UBE2W: variants seen among roughly 807,000 people sequenced by gnomAD.
UBE2W encodes ubiquitin-conjugating enzyme E2 W.
A neutral mutation model predicts 27.2 loss-of-function variants in UBE2W; 18 were observed. The ratio of observed to expected loss-of-function variants is 0.66; its 90% CI spans 0.46 to 0.98. The LOEUF (loss-of-function observed/expected upper bound fraction) is 0.98. UBE2W is among the 50% of genes least tolerant of loss of function. The pLI is 0.00. For missense variants in UBE2W, 90 were observed against 180.2 expected, an observed-to-expected ratio of 0.50 and a Z score of 2.87; for synonymous variants, 53 against 57.2, an observed-to-expected ratio of 0.93 and a Z score of 0.33.
intron 1 of UBE2W, among the ~76,000 whole-genome samples, chr8:73,834,908 CAATAA>C (rs1292017085): frequency 2.6e-5 from 4 of 151,984 alleles, no homozygotes; most frequent in African/African-American, 9.7e-5. Context: ...GACTCCATCT[CAATAA>C]AATAAAATAA....
downstream of UBE2W, among the ~76,000 whole-genome samples, chr8:73,785,959 T>C (rs1410245793): frequency 1.3e-5 from 2 of 151,844 alleles, no homozygotes; most frequent in African/African-American, 2.4e-5. Flanking sequence ...TCACATTTTA[T>C]ATGATATGCT....
chr8:73,793,635 C>T lies in UBE2W; in HGVS notation c.*467G>A. The T allele has an allele frequency of 1.0e-6, 1 of 986,608 alleles. No homozygotes were observed. The highest frequency in any genetic ancestry group is 1.2e-6 in the Non-Finnish European group (1 of 830,552). The allele number at this position is 986,608 out of a possible 1,614,324, so 61.1% of individuals were successfully genotyped here. A position where few individuals can be genotyped will look rare whatever the true frequency, so the allele number is the denominator to read the frequency against. On this transcript the variant is annotated 3_prime_UTR_variant, in exon 6 of 6. Coordinates refer to ENST00000602593, the MANE Select transcript of UBE2W (RefSeq NM_018299.6). ...ACTTTTAAAGTAATGTTGGATCCCT[C>T]ACTTTATTTATATTCCCACTATAAC... is the stretch of plus-strand genomic sequence containing the variant.
At chr8:73,877,094 A>G (rs1812263876) in intron 1 of UBE2W, among the ~76,000 whole-genome samples, 1 of 152,206 alleles carries the variant, frequency 6.6e-6, no homozygotes, top group Admixed American at 6.5e-5. Context: ...TGTCAAATAC[A>G]AGTGTTGTGG....
intron 1 of UBE2W, among the ~76,000 whole-genome samples, chr8:73,860,277 A>C (rs1343770619): frequency 6.6e-6 from 1 of 152,204 alleles, no homozygotes; most frequent in Non-Finnish European, 1.5e-5. Flanking sequence ...ATGCTGTATA[A>C]ATTTTCCTTT....
At chr8:73,828,403 T>A (rs930875325) in intron 2 of UBE2W, among the ~76,000 whole-genome samples, 4 of 152,164 alleles carry the variant, frequency 2.6e-5, no homozygotes, top group African/African-American at 7.2e-5. Context: ...ATAATTCAAG[T>A]GATGCCATTT....
chr8:73,876,554 T>C (rs1462879320), intron 1 of UBE2W, among the ~76,000 whole-genome samples: 4 of 152,152 alleles, frequency 2.6e-5, no homozygotes, highest in African/African-American at 9.7e-5. Flanking sequence ...AGTGATAAGA[T>C]TTCGATGGAA....
At chr8:73,818,655 G>T (rs1253124318) in intron 3 of UBE2W, among the ~76,000 whole-genome samples, 1 of 152,216 alleles carries the variant, frequency 6.6e-6, no homozygotes, top group Non-Finnish European at 1.5e-5. Flanking sequence ...CAATGTTGGA[G>T]GTGGGGCCTG....
chr8:73,793,342 C>T lies in UBE2W; in HGVS notation c.*760G>A. ...AAAATAAAGCCTTGATTAAACCATT[C>T]ATACCCTATATTACTCATACCTTTA... On this transcript the variant is annotated 3_prime_UTR_variant, in exon 6 of 6. Coordinates refer to ENST00000602593, the MANE Select transcript of UBE2W (RefSeq NM_018299.6). The T allele has an allele frequency of 1.0e-6, 1 of 985,816 alleles. No individual in the cohort carries two copies. Among genetic ancestry groups the T allele is most frequent in the Non-Finnish European group, 1.2e-6 (1 of 829,912 alleles). The allele number at this position is 985,816 out of a possible 1,614,324, so 61.1% of individuals were successfully genotyped here.
chr8:73,780,226 C>T (rs539737572), exon 5 of UBE2W: 1 of 180,676 alleles, frequency 5.5e-6, no homozygotes, highest in South Asian at 1.1e-4. Flanking sequence ...CTTCCAGCCT[C>T]TGATGTTCCC....
chr8:73,878,393 C>A (rs953229169), intron 1 of UBE2W, among the ~76,000 whole-genome samples: 1 of 152,246 alleles, frequency 6.6e-6, no homozygotes, highest in African/African-American at 2.4e-5. Context: ...CCCCCCGCCG[C>A]CCCTGCCCCG....
intron 5 of UBE2W, among the ~76,000 whole-genome samples, chr8:73,799,691 TG>T (rs1241034724): frequency 6.6e-6 from 1 of 152,200 alleles, no homozygotes; most frequent in East Asian, 1.9e-4. Context: ...AGGAGGACTG[TG>T]GAGCTTGAGA....
At chr8:73,818,367 G>A (rs892358549) in intron 3 of UBE2W, among the ~76,000 whole-genome samples, 1 of 152,060 alleles carries the variant, frequency 6.6e-6, no homozygotes, top group East Asian at 1.9e-4. Context: ...TTACTTTAAC[G>A]GCCTATCTGA....
chr8:73,855,542 C>G (rs1811261417), intron 1 of UBE2W, among the ~76,000 whole-genome samples: 1 of 151,788 alleles, frequency 6.6e-6, no homozygotes, highest in South Asian at 2.1e-4. Flanking sequence ...GCTGGGCTTA[C>G]AGATGCACGC....
At chr8:73,822,281 G>C (rs1809646644) in intron 3 of UBE2W, among the ~76,000 whole-genome samples, 1 of 152,142 alleles carries the variant, frequency 6.6e-6, no homozygotes, top group Admixed American at 6.6e-5. Context: ...GGGGCACTGA[G>C]AGACAGGACT....
chr8:73,822,602 CAAAAAAAAAAAAA>C (rs67427702), intron 3 of UBE2W, among the ~76,000 whole-genome samples: 1,632 of 51,330 alleles, frequency 0.032, 62 homozygotes, highest in African/African-American at 0.093. Context: ...CTTGCAACTG[CAAAAAAAAAAAAA>C]AAAAAAAAAA....
chr8:73,876,974 G>A (rs559505774), intron 1 of UBE2W, among the ~76,000 whole-genome samples: 99 of 151,960 alleles, frequency 6.5e-4, no homozygotes, highest in African/African-American at 2.2e-3. Context: ...TCTCAAAAAA[G>A]AAAAAAGACA....
At position 73,791,026 on chromosome 8, in the gene UBE2W, G is replaced by T; in HGVS notation, c.*3076C>A. 1.0e-6 allele frequency: 1 copy of T among 983,604 alleles called. No individual in the cohort carries two copies. 60.9% of individuals were successfully genotyped at this position (983,604 alleles called of 1,614,324 possible). ...CCTAGTCAAAACAACAAGGAATTAA[G>T]ATCTTTCTCCAGGTGAACTGCTGAC... On this transcript the variant is annotated 3_prime_UTR_variant, in exon 6 of 6. Coordinates refer to ENST00000602593, the MANE Select transcript of UBE2W (RefSeq NM_018299.6).
Position 73,787,769 on chromosome 8 carries a change from C to T in UBE2W, c.*6333G>A. ...ATACTCCAGAAAGCATCCAGAAGTT[C>T]TTAGAGTATGCCCTTAATTGTACAA... On this transcript the variant is annotated 3_prime_UTR_variant, in exon 6 of 6. Coordinates refer to ENST00000602593, the MANE Select transcript of UBE2W (RefSeq NM_018299.6). The T allele has an allele frequency of 1.0e-6, 1 of 985,394 alleles. No individual in the cohort carries two copies. The highest frequency in any genetic ancestry group is 1.2e-6 in the Non-Finnish European group (1 of 829,926). 61.0% of individuals were successfully genotyped at this position (985,394 alleles called of 1,614,324 possible).
rs560422800 is a variant in UBE2W at position 73,807,061 on chromosome 8, T to C, written c.367-1335A>G. 2.6e-5 allele frequency among the ~76,000 whole-genome samples: 4 copies of C among 152,192 alleles called. No individual in the cohort carries two copies. In the East Asian group the frequency reaches 7.7e-4, roughly 29 times the overall value. The stretch of plus-strand genomic sequence containing the variant: ...TGCATACTGCCTAGACAAAAGAAAA[T>C]GTTACCCTCTACAAAGACTTGGAAA... On this transcript the variant is annotated intron_variant, in intron 4 of 5. Transcript: ENST00000602593.
Sources: gnomAD v4.1 joint callset for allele counts (sites outside exome capture counted in the v4.1 genomes callset) on GRCh38, gnomAD v4.1.1 for gene constraint, MANE v1.5 for transcripts, NCBI Gene and HGNC (gene_info 2026-07-23, HGNC 2026-07-21) for gene names.